The following DYNC1I1 variants were observed in gnomAD, a reference collection of about 807,000 sequenced individuals.
The protein encoded by DYNC1I1 is dynein cytoplasmic 1 intermediate chain 1, also known as cytoplasmic dynein 1 intermediate chain 1.
DYNC1I1 carries 43 observed loss-of-function variants against 86.6 expected under a neutral mutation model. The ratio of observed to expected loss-of-function variants is 0.50; its 90% CI spans 0.39 to 0.64. The LOEUF is 0.64. Among genes scored for constraint, DYNC1I1 ranks in the 30% least tolerant of loss-of-function variants. DYNC1I1 has a pLI of 0.00. For missense variants in DYNC1I1, 604 were observed against 788.8 expected, an observed-to-expected ratio of 0.77 and a Z score of 2.81; for synonymous variants, 262 against 283.7, an observed-to-expected ratio of 0.92 and a Z score of 0.77.
At chr7:95,893,131 G>C (rs1001098389) in intron 6 of DYNC1I1, among the ~76,000 whole-genome samples, 1 of 152,164 alleles carries the variant, frequency 6.6e-6, no homozygotes, top group African/African-American at 2.4e-5. Context: ...CCAAACACAA[G>C]CATGTTTTGG....
intron 14 of DYNC1I1, among the ~76,000 whole-genome samples, chr7:96,071,111 T>G (rs1010570208): frequency 3.9e-4 from 59 of 152,338 alleles, no homozygotes; most frequent in African/African-American, 1.3e-3. Context: ...AGAAGTTTAT[T>G]ATTACTTCCA....
intron 6 of DYNC1I1, among the ~76,000 whole-genome samples, chr7:95,905,159 A>G (rs932298511): frequency 3.1e-4 from 47 of 152,170 alleles, no homozygotes; most frequent in African/African-American, 9.9e-4. Flanking sequence ...TGGAATGCCA[A>G]TTGGAAGCCA....
At chr7:95,968,504 A>G (rs927808881) in intron 6 of DYNC1I1, among the ~76,000 whole-genome samples, 1 of 152,172 alleles carries the variant, frequency 6.6e-6, no homozygotes, top group African/African-American at 2.4e-5. Context: ...ACATAACACA[A>G]TAACAATTCT....
At chr7:95,824,861 T>A (rs772858640) in intron 4 of DYNC1I1, among the ~76,000 whole-genome samples, 24 of 152,242 alleles carry the variant, frequency 1.6e-4, no homozygotes, top group Non-Finnish European at 3.2e-4. Context: ...ATTCGGCGAA[T>A]GTTTAATACA....
intron 10 of DYNC1I1, among the ~76,000 whole-genome samples, chr7:96,004,650 A>G (rs1454594700): frequency 1.0e-5 from 1 of 99,632 alleles, no homozygotes; most frequent in Non-Finnish European, 2.1e-5. Flanking sequence ...ATGCATGCAC[A>G]CACACACACA....
intron 5 of DYNC1I1, among the ~76,000 whole-genome samples, chr7:95,841,147 A>G (rs1789269628): frequency 6.6e-6 from 1 of 152,220 alleles, no homozygotes. Flanking sequence ...GCTAGAGGCC[A>G]GTCCCTCTGG....
chr7:95,934,080 G>A (rs989442999), intron 6 of DYNC1I1, among the ~76,000 whole-genome samples: 3 of 152,006 alleles, frequency 2.0e-5, no homozygotes, highest in Admixed American at 1.3e-4. Flanking sequence ...TTGGAACAGT[G>A]ATAAAGAAGA....
chr7:95,842,241 G>A (rs1371980298), intron 5 of DYNC1I1, among the ~76,000 whole-genome samples: 1 of 152,178 alleles, frequency 6.6e-6, no homozygotes, highest in Non-Finnish European at 1.5e-5. Context: ...GCCGTGGACG[G>A]AGAGACAGCT....
intron 6 of DYNC1I1, among the ~76,000 whole-genome samples, chr7:95,965,649 G>A (rs373836369): frequency 4.6e-5 from 7 of 152,178 alleles, no homozygotes; most frequent in South Asian, 4.2e-4. Context: ...ATTTGAACTC[G>A]AGCAATATGG....
chr7:95,901,868 T>A (rs568192266), intron 6 of DYNC1I1, among the ~76,000 whole-genome samples: 3 of 152,306 alleles, frequency 2.0e-5, no homozygotes, highest in Admixed American at 2.0e-4. Context: ...ATAACAGAAA[T>A]CACTGCTTTT....
intron 5 of DYNC1I1, among the ~76,000 whole-genome samples, chr7:95,831,479 A>AT (rs1318907892): frequency 6.6e-6 from 1 of 152,132 alleles, no homozygotes; most frequent in African/African-American, 2.4e-5. Context: ...CCAGAGACAG[A>AT]TATCTCTTTG....
chr7:95,899,303 AC>A (rs1790973031), intron 6 of DYNC1I1, among the ~76,000 whole-genome samples: 1 of 152,170 alleles, frequency 6.6e-6, no homozygotes, highest in Non-Finnish European at 1.5e-5. Flanking sequence ...AGGATTTCTG[AC>A]CCTGCTTATA....
chr7:95,890,762 G>A (rs1790716373), intron 6 of DYNC1I1, among the ~76,000 whole-genome samples: 1 of 152,226 alleles, frequency 6.6e-6, no homozygotes, highest in Non-Finnish European at 1.5e-5. Context: ...TTCTGATTCA[G>A]AAGGTTTGGG....
At chr7:95,938,438 G>T (rs935818805) in intron 6 of DYNC1I1, among the ~76,000 whole-genome samples, 1 of 152,162 alleles carries the variant, frequency 6.6e-6, no homozygotes, top group East Asian at 1.9e-4. Context: ...GGGAGCAGGG[G>T]AAGGTGTTAA....
intron 6 of DYNC1I1, among the ~76,000 whole-genome samples, chr7:95,949,144 AGGGTGGTCGAAT>A (rs1296589836): frequency 6.6e-6 from 1 of 152,176 alleles, no homozygotes; most frequent in African/African-American, 2.4e-5. Flanking sequence ...GAAATTAAGG[AGGGTGGTCGAAT>A]GTAGATCAAA....
chr7:95,877,587 T>C (rs1173998832), intron 6 of DYNC1I1, among the ~76,000 whole-genome samples: 1 of 152,202 alleles, frequency 6.6e-6, no homozygotes, highest in Non-Finnish European at 1.5e-5. Context: ...TGTTCAAGCC[T>C]AAGGGCATCC....
At chr7:95,784,816 A>G (rs920468760) in intron 1 of DYNC1I1, among the ~76,000 whole-genome samples, 4 of 152,226 alleles carry the variant, frequency 2.6e-5, no homozygotes, top group African/African-American at 7.2e-5. Flanking sequence ...GAGAGGTCAG[A>G]GAAGCTCTGG....
intron 6 of DYNC1I1, among the ~76,000 whole-genome samples, chr7:95,918,095 GC>G (rs1791514656): frequency 6.6e-6 from 1 of 152,210 alleles, no homozygotes; most frequent in South Asian, 2.1e-4. Flanking sequence ...GCTGAGGCTT[GC>G]TGGGTGGCCT....
At chr7:95,808,043 G>A (rs898680644) in intron 2 of DYNC1I1, among the ~76,000 whole-genome samples, 1 of 152,082 alleles carries the variant, frequency 6.6e-6, no homozygotes, top group African/African-American at 2.4e-5. Context: ...GCAGGTTTGA[G>A]AGGCACGTCC....
Sources: gnomAD v4.1 joint callset for allele counts (sites outside exome capture counted in the v4.1 genomes callset) on GRCh38, gnomAD v4.1.1 for gene constraint, MANE v1.5 for transcripts, NCBI Gene and HGNC (gene_info 2026-07-23, HGNC 2026-07-21) for gene names.